AFDN: variants seen among roughly 807,000 people sequenced by gnomAD.
The protein encoded by AFDN is afadin, adherens junction formation factor.
Under a neutral mutation model 216.6 loss-of-function variants are expected in AFDN, and 68 were observed. The observed-to-expected ratio is 0.31, with a 90% CI of 0.26 to 0.38. The LOEUF (loss-of-function observed/expected upper bound fraction) is 0.38. Ranked by LOEUF, AFDN falls within the 10% of genes least tolerant of loss-of-function variation. The pLI, the probability that AFDN is intolerant of heterozygous loss-of-function variation, is 1.00. For missense variants in AFDN, 2,136 were observed against 2,342.0 expected (o/e 0.91, Z 1.82); for synonymous variants, 868 against 853.7 (o/e 1.02, Z -0.29).
intron 1 of AFDN, among the ~76,000 whole-genome samples, chr6:167,831,382 TG>T (rs1218094660): frequency 3.9e-5 from 6 of 152,232 alleles, no homozygotes; most frequent in Non-Finnish European, 8.8e-5. Flanking sequence ...TGAATCTCAT[TG>T]GTGGTTATAA....
intron 1 of AFDN, among the ~76,000 whole-genome samples, chr6:167,840,196 A>G (rs1780907867): frequency 6.6e-6 from 1 of 152,202 alleles, no homozygotes; most frequent in African/African-American, 2.4e-5. Flanking sequence ...AATTTGTAGG[A>G]AATAGCTGGG....
At chr6:167,913,865 C>T (rs1790714813) in intron 16 of AFDN, 4 of 447,718 alleles carry the variant, frequency 8.9e-6, no homozygotes, top group Non-Finnish European at 1.6e-5. Context: ...AATGCACGGT[C>T]TACAATTTGG....
intron 31 of AFDN, 107 bp from the exon 32 acceptor site, chr6:167,965,650 C>T: frequency 9.3e-7 from 1 of 1,080,590 alleles, no homozygotes; most frequent in Non-Finnish European, 1.3e-6. Context: ...AACTATTAAA[C>T]TTTGACGTCA....
At chr6:167,907,043 T>C in intron 12 of AFDN, 128 bp from the exon 13 acceptor site, 1 of 664,518 alleles carries the variant, frequency 1.5e-6, no homozygotes, top group Non-Finnish European at 2.7e-6. Context: ...TGCTTTGTTA[T>C]TTCCTGGTCT....
chr6:167,944,343 A>G (rs952690961), intron 26 of AFDN, among the ~76,000 whole-genome samples: 1 of 152,204 alleles, frequency 6.6e-6, no homozygotes. Flanking sequence ...GGCCCGGCAC[A>G]TAGTAGGTGC....
chr6:167,842,935 A>C (rs1479361206), intron 1 of AFDN, among the ~76,000 whole-genome samples: 2 of 152,216 alleles, frequency 1.3e-5, no homozygotes, highest in African/African-American at 2.4e-5. Flanking sequence ...CTGTAAATAA[A>C]GGTCTACAAA....
At position 167,833,399 on chromosome 6, in the gene AFDN, TG is replaced by T. The variant is rs77615281; in HGVS notation, c.105+6168del. Among the ~76,000 whole-genome samples, 48 of 152,272 alleles carry T rather than the reference TG, an allele frequency of 3.2e-4. No individual in the cohort carries two copies. The East Asian group carries it at 9.1e-3, about 29-fold the overall frequency. ...AAAAAATGCTCATTTGTTTGTTGTT[TG>T]GGGGGTGTTTTATTGGCTGAGTGGT... On this transcript the variant is annotated intron_variant, in intron 1 of 33. Transcript: ENST00000683244.
At chr6:167,834,471 TTTTTTTTTC>T (rs937800597) in intron 1 of AFDN, among the ~76,000 whole-genome samples, 2 of 146,052 alleles carry the variant, frequency 1.4e-5, no homozygotes, top group South Asian at 2.2e-4. Flanking sequence ...TTTTTTTTTT[TTTTTTTTTC>T]GAAAGGTATA....
chr6:167,940,993 ATG>A (rs552861761), intron 23 of AFDN, among the ~76,000 whole-genome samples: 612 of 4,562 alleles, frequency 0.13, 18 homozygotes, highest in African/African-American at 0.26. Flanking sequence ...CACAGGAGAG[ATG>A]TGTGGACAGA....
intron 29 of AFDN, among the ~76,000 whole-genome samples, chr6:167,948,795 C>G (rs1003050195): frequency 6.6e-6 from 1 of 152,230 alleles, no homozygotes; most frequent in African/African-American, 2.4e-5. Context: ...CAGGAGCTAT[C>G]CCTGCCTGTG....
At chr6:167,949,682 CCTTCTAGTAT>C (rs1276886792) in intron 29 of AFDN, among the ~76,000 whole-genome samples, 6 of 152,196 alleles carry the variant, frequency 3.9e-5, no homozygotes, top group Non-Finnish European at 7.3e-5. Flanking sequence ...GTGCCCTAGT[CCTTCTAGTAT>C]CTTTTGTTAG....
chr6:167,948,253 T>C lies in AFDN; in HGVS notation c.3646-40T>C, dbSNP rs1795560475. On this transcript the variant is annotated intron_variant, in intron 28 of 33. Coordinates refer to ENST00000683244, the MANE Select transcript of AFDN (RefSeq NM_001386888.1). Reference sequence around the variant, plus strand: ...TTGAAAATCAAGTTAGTCTGTATGGTTGTAAAAAGCTCACTTTTTTTGTTC... The same window carrying C: ...TTGAAAATCAAGTTAGTCTGTATGGCTGTAAAAAGCTCACTTTTTTTGTTC... The C allele has an allele frequency of 2.6e-6, 4 of 1,547,844 alleles. No individual in the cohort carries two copies. In the African/African-American group the frequency reaches 5.5e-5, roughly 21 times the overall value.
At position 167,971,249 on chromosome 6, in the gene AFDN, GAA is replaced by G. The variant is rs1798000182; in HGVS notation, c.*1315_*1316del. 4.5e-6 allele frequency: 1 copy of G among 220,494 alleles called. No homozygotes were observed. The highest frequency in any genetic ancestry group is 1.9e-4 in the South Asian group (1 of 5,392). 13.7% of individuals were successfully genotyped at this position (220,494 alleles called of 1,614,324 possible). On this transcript the variant is annotated 3_prime_UTR_variant, in exon 34 of 34. Transcript: ENST00000683244. ...AGGAAAATAGGCACACTTTCAAAGA[GAA>G]TGTTCTCTTACACATACGTATGTTA...
chr6:167,923,239 CAT>C (rs1221309045), intron 22 of AFDN: 2 of 225,394 alleles, frequency 8.9e-6, no homozygotes, highest in African/African-American at 4.6e-5. Flanking sequence ...TATTTTAAAA[CAT>C]ATTAATATGA....
chr6:167,971,773 G>A lies in AFDN; in HGVS notation c.*1838G>A. On this transcript the variant is annotated 3_prime_UTR_variant, in exon 34 of 34. Transcript: ENST00000683244. ...AAGTGGATTTGGCCATCTTTGGGCA[G>A]TGAGGTCAAATGTGAATATGTGTAA... 1 of 207,972 alleles carries A rather than the reference G, an allele frequency of 4.8e-6. No individual in the cohort carries two copies. The highest frequency in any genetic ancestry group is 9.8e-6 in the Non-Finnish European group (1 of 102,012). 12.9% of individuals were successfully genotyped at this position (207,972 alleles called of 1,614,324 possible). A position where few individuals can be genotyped will look rare whatever the true frequency, so the allele number is the denominator to read the frequency against.
chr6:167,946,038 C>G (rs915901085), intron 26 of AFDN, among the ~76,000 whole-genome samples: 1 of 152,220 alleles, frequency 6.6e-6, no homozygotes, highest in Non-Finnish European at 1.5e-5. Context: ...GAGAACGTGA[C>G]TTGCTGCTTC....
chr6:167,843,608 A>G (rs146162183), intron 1 of AFDN, among the ~76,000 whole-genome samples: 13 of 152,248 alleles, frequency 8.5e-5, no homozygotes, highest in Non-Finnish European at 1.5e-4. Context: ...ACTGTCATAC[A>G]CAAACTCAGC....
chr6:167,846,835 ACT>A (rs1170699190), intron 1 of AFDN, among the ~76,000 whole-genome samples: 2 of 151,462 alleles, frequency 1.3e-5, no homozygotes, highest in African/African-American at 4.9e-5. Context: ...CATAATTAAA[ACT>A]CTGAGTTAGT....
At chr6:167,957,759 G>A (rs990475904) in intron 30 of AFDN, among the ~76,000 whole-genome samples, 1 of 73,868 alleles carries the variant, frequency 1.4e-5, no homozygotes, top group African/African-American at 3.9e-5. Flanking sequence ...CGTGACTGTG[G>A]CTGCAGCTTT....
Sources: gnomAD v4.1 joint callset for allele counts (sites outside exome capture counted in the v4.1 genomes callset) on GRCh38, gnomAD v4.1.1 for gene constraint, MANE v1.5 for transcripts, NCBI Gene and HGNC (gene_info 2026-07-23, HGNC 2026-07-21) for gene names.